IL12RB2: variants seen among roughly 807,000 people sequenced by gnomAD.
The protein encoded by IL12RB2 is interleukin-12 receptor subunit beta-2.
Under a neutral mutation model 89.4 loss-of-function variants are expected in IL12RB2, and 82 were observed. The ratio of observed to expected loss-of-function variants is 0.92; its 90% CI spans 0.77 to 1.10. IL12RB2 has a LOEUF of 1.10. IL12RB2 is among the 50% of genes least tolerant of loss of function. IL12RB2 has a pLI of 0.00. For missense variants in IL12RB2, 963 were observed against 1,031.9 expected (o/e 0.93, Z 0.92); for synonymous variants, 368 against 370.1 (o/e 0.99, Z 0.07).
chr1:67,397,790 C>CGCA lies in IL12RB2; in HGVS notation c.*1703_*1704insAGC, dbSNP rs1666453313. Among the ~76,000 whole-genome samples the CGCA allele has an allele frequency of 2.0e-5, 3 of 152,212 alleles. No individual in the cohort carries two copies. Among genetic ancestry groups the CGCA allele is most frequent in the East Asian group, 1.9e-4 (1 of 5,198 alleles). ...CACCCCGTACCCCTTCCCACATGAA[C>CGCA]GCTGGAACTGAGATGGCTTCCCCAT... On this transcript the variant is annotated 3_prime_UTR_variant, in exon 17 of 17. Coordinates refer to ENST00000674203, the MANE Select transcript of IL12RB2 (RefSeq NM_001374259.2).
chr1:67,348,737 T>C (rs10489625), intron 9 of IL12RB2, among the ~76,000 whole-genome samples: 7,909 of 152,144 alleles, frequency 0.052, 251 homozygotes, highest in African/African-American at 0.074. Context: ...TGGCTAAATA[T>C]CTGTTTTCCT....
At position 67,321,666 on chromosome 1, in the gene IL12RB2, C is replaced by T; in HGVS notation, c.141C>T (p.Val47=). The change falls in exon 4 of 17, where the codon GTC becomes GTT. Residue 47 remains valine, a synonymous_variant. Transcript: ENST00000674203. ...ATGTAATTTTACTTGGATCCACTGT[C>T]AATATTACATGCTCTTTGAAGCCCA... is the stretch of plus-strand genomic sequence containing the variant. ...PSHVILLGST[V]NITCSLKPRQ... 1.2e-6 allele frequency: 2 copies of T among 1,600,856 alleles called. No individual in the cohort carries two copies. Among genetic ancestry groups the T allele is most frequent in the East Asian group, 2.2e-5 (1 of 44,816 alleles).
At chr1:67,329,208 A>G (rs1000948116) in intron 6 of IL12RB2, among the ~76,000 whole-genome samples, 1 of 151,884 alleles carries the variant, frequency 6.6e-6, no homozygotes, top group Non-Finnish European at 1.5e-5. Flanking sequence ...TCCTACGAAC[A>G]TTTCTTCTCC....
intron 9 of IL12RB2, among the ~76,000 whole-genome samples, chr1:67,348,700 T>C (rs1360671358): frequency 6.6e-6 from 1 of 152,006 alleles, no homozygotes; most frequent in African/African-American, 2.4e-5. Context: ...CTGATTATAC[T>C]GTTTTCAGTT....
At chr1:67,349,344 C>T (rs1215789490) in intron 9 of IL12RB2, among the ~76,000 whole-genome samples, 3 of 152,124 alleles carry the variant, frequency 2.0e-5, no homozygotes, top group Non-Finnish European at 4.4e-5. Flanking sequence ...ACAGTCCTAT[C>T]TCTGGACTTG....
At chr1:67,334,923 G>A (rs1658570011) in intron 8 of IL12RB2, among the ~76,000 whole-genome samples, 1 of 152,200 alleles carries the variant, frequency 6.6e-6, no homozygotes, top group Admixed American at 6.5e-5. Flanking sequence ...TCATATTTGT[G>A]TCTTTTTGCT....
chr1:67,328,846 T>A (rs902157512), intron 6 of IL12RB2, among the ~76,000 whole-genome samples: 2 of 152,170 alleles, frequency 1.3e-5, no homozygotes, highest in Non-Finnish European at 2.9e-5. Flanking sequence ...CACAGATGCA[T>A]CTTGCTCTGA....
chr1:67,346,710 A>G (rs1660279637), intron 9 of IL12RB2, among the ~76,000 whole-genome samples: 1 of 152,124 alleles, frequency 6.6e-6, no homozygotes, highest in Non-Finnish European at 1.5e-5. Context: ...GAATCACTTC[A>G]TTTGGACTGG....
intron 14 of IL12RB2, among the ~76,000 whole-genome samples, chr1:67,386,208 CAAAAAAAAA>C (rs755471388): frequency 1.8e-5 from 1 of 54,550 alleles, no homozygotes; most frequent in African/African-American, 7.8e-5. Context: ...GACTCCATCT[CAAAAAAAAA>C]AAAAAAAAAA....
intron 9 of IL12RB2, among the ~76,000 whole-genome samples, chr1:67,343,939 A>T (rs1040937642): frequency 3.9e-5 from 6 of 152,242 alleles, no homozygotes; most frequent in Non-Finnish European, 5.9e-5. Flanking sequence ...TAGACACTGT[A>T]CTGCATAGCT....
intron 1 of IL12RB2, 39 bp from the exon 2 acceptor site, chr1:67,313,874 A>T (rs1655411158): frequency 1.3e-5 from 2 of 151,378 alleles, no homozygotes; most frequent in Non-Finnish European, 2.9e-5. Flanking sequence ...GGATTTTGCT[A>T]TTAATGTGAA....
At chr1:67,371,401 A>G (rs1663285629) in intron 11 of IL12RB2, among the ~76,000 whole-genome samples, 1 of 150,896 alleles carries the variant, frequency 6.6e-6, no homozygotes, top group Admixed American at 6.6e-5. Flanking sequence ...TCTATGATAT[A>G]AAATTATTCT....
At chr1:67,321,063 G>A (rs924170043) in intron 3 of IL12RB2, among the ~76,000 whole-genome samples, 2 of 151,654 alleles carry the variant, frequency 1.3e-5, no homozygotes, top group African/African-American at 4.8e-5. Context: ...CCACAAGTTT[G>A]GTTTGTTTTT....
At chr1:67,368,231 T>A (rs897090729) in intron 11 of IL12RB2, among the ~76,000 whole-genome samples, 2 of 152,232 alleles carry the variant, frequency 1.3e-5, no homozygotes, top group African/African-American at 4.8e-5. Context: ...CTCTCTTATT[T>A]ATGGAAAATC....
At chr1:67,329,472 G>T in intron 6 of IL12RB2, 115 bp from the exon 7 acceptor site, 2 of 756,304 alleles carry the variant, frequency 2.6e-6, no homozygotes, top group East Asian at 2.5e-5. Context: ...CAAATTTGAT[G>T]GTTGTGCATC....
chr1:67,380,816 C>G (rs887524103), intron 14 of IL12RB2, among the ~76,000 whole-genome samples: 23 of 152,268 alleles, frequency 1.5e-4, no homozygotes, highest in African/African-American at 5.1e-4. Flanking sequence ...TAGGTCTCTG[C>G]TTTCATCTGG....
chr1:67,329,438 G>A (rs1167514596), intron 6 of IL12RB2, 149 bp from the exon 7 acceptor site: 1 of 675,458 alleles, frequency 1.5e-6, no homozygotes, highest in Non-Finnish European at 2.7e-6. Context: ...TTAAAGCCTG[G>A]AACTTTTCTC....
chr1:67,372,816 C>A (rs775097886), intron 13 of IL12RB2, 33 bp downstream of exon 13: 6 of 1,507,680 alleles, frequency 4.0e-6, no homozygotes, highest in Non-Finnish European at 5.5e-6. Flanking sequence ...GTGAGTGGGG[C>A]CTTCTTGTTT....
Position 67,329,675 on chromosome 1 carries a change from G to A in IL12RB2, c.753G>A (p.Leu251=), listed in dbSNP as rs1335059613. Residue 251 remains leucine (L), a synonymous_variant, in exon 7 of 17, where the codon CTG becomes CTA. Coordinates refer to ENST00000674203, the MANE Select transcript of IL12RB2 (RefSeq NM_001374259.2). ...RCTLYWRDEG[L]VLLNRLRYRP... ...CCCTTTATTGGAGAGATGAGGGACT[G>A]GTACTGCTTAATCGACTCAGATATC... 6.3e-7 allele frequency: 1 copy of A among 1,596,784 alleles called. No individual in the cohort carries two copies. The highest frequency in any genetic ancestry group is 8.6e-7 in the Non-Finnish European group (1 of 1,164,304).
Sources: allele counts gnomAD v4.1 joint callset (sites outside exome capture counted in the v4.1 genomes callset), GRCh38; gene constraint gnomAD v4.1.1; transcripts MANE v1.5; gene names NCBI Gene and HGNC (gene_info 2026-07-23, HGNC 2026-07-21).